The following NBEA variants were observed in gnomAD, a reference collection of about 807,000 sequenced individuals.
NBEA encodes the protein neurobeachin.
A neutral mutation model predicts 343.4 loss-of-function variants in NBEA; 44 were observed. The observed-to-expected ratio is 0.13, with a 90% CI of 0.10 to 0.16. The LOEUF is 0.16. NBEA is among the 10% of genes least tolerant of loss of function. The pLI is 1.00. For missense variants in NBEA, 2,555 were observed against 3,631.3 expected, an observed-to-expected ratio of 0.70 and a Z score of 7.62; for synonymous variants, 1,175 against 1,238.7, an observed-to-expected ratio of 0.95 and a Z score of 1.08.
Position 35,559,981 on chromosome 13 carries a change from G to GA in NBEA, c.6922+4885dup, listed in dbSNP as rs1237859988. Among the ~76,000 whole-genome samples, 5 of 149,170 alleles carry GA rather than the reference G, an allele frequency of 3.4e-5. No homozygotes were observed. In the East Asian group the frequency reaches 5.9e-4, roughly 17 times the overall value. Reference sequence around the variant, plus strand: ...TTTCTTTGTTAATAATAAGAACTCAGAAAAAATAGTAAATAATAGTTTATG... The same window carrying GA: ...TTTCTTTGTTAATAATAAGAACTCAGAAAAAAATAGTAAATAATAGTTTATG... On this transcript the variant is annotated intron_variant, in intron 44 of 58. Coordinates refer to ENST00000379939, the MANE Select transcript of NBEA (RefSeq NM_001385012.1).
chr13:35,271,917 G>A lies in NBEA; in HGVS notation c.5777-18472G>A, dbSNP rs1347111496. On this transcript the variant is annotated intron_variant, in intron 34 of 58. Transcript: ENST00000379939. ...AAAGTGACAGAAAGAATGGAACCAAGTTAGAAAACATTCTTCAGGATATTA... is the reference window on the plus strand; with the variant it reads ...AAAGTGACAGAAAGAATGGAACCAAATTAGAAAACATTCTTCAGGATATTA... 3.9e-5 allele frequency among the ~76,000 whole-genome samples: 6 copies of A among 152,208 alleles called. No individual in the cohort carries two copies. In the East Asian group the frequency reaches 1.2e-3, roughly 29 times the overall value.
chr13:35,475,356 G>A, intron 41 of NBEA: 3 of 1,613,954 alleles, frequency 1.9e-6, no homozygotes, highest in Non-Finnish European at 2.5e-6. Flanking sequence ...GCAGTTCAAG[G>A]TGACGATCCC....
intron 24 of NBEA, chr13:35,165,148 C>T: frequency 1.9e-6 from 1 of 532,458 alleles, no homozygotes; most frequent in Non-Finnish European, 3.9e-6. Flanking sequence ...ATACCTTTGC[C>T]AGAGGGAAAT....
At chr13:35,104,348 C>T (rs1359901844) in intron 11 of NBEA, among the ~76,000 whole-genome samples, 1 of 151,846 alleles carries the variant, frequency 6.6e-6, no homozygotes, top group Non-Finnish European at 1.5e-5. Flanking sequence ...ATATTTTTTA[C>T]TAATTTTCTG....
intron 34 of NBEA, among the ~76,000 whole-genome samples, chr13:35,275,739 C>T (rs952541620): frequency 2.0e-5 from 3 of 152,032 alleles, no homozygotes; most frequent in Admixed American, 6.6e-5. Context: ...ATGCAGCCAA[C>T]GGACACATGA....
chr13:35,653,323 G>A (rs2764021), intron 53 of NBEA, among the ~76,000 whole-genome samples: 79,483 of 141,800 alleles, frequency 0.56, 22,462 homozygotes, highest in Middle Eastern at 0.72. Context: ...TTTTATTCTT[G>A]GGTTCTTTTT....
At position 35,182,464 on chromosome 13, in the gene NBEA, T is replaced by C. The variant is rs2071382438; in HGVS notation, c.4767T>C (p.Thr1589=). 2 of 1,610,538 alleles carry C rather than the reference T, an allele frequency of 1.2e-6. No individual in the cohort carries two copies. Among genetic ancestry groups the C allele is most frequent in the Non-Finnish European group, 1.7e-6 (2 of 1,177,800 alleles). ...YRDILEPQRE[T]TRTGSQPGRN... is the part of the protein sequence containing the mutation. Reference sequence around the variant, plus strand: ...ACATATTAGAACCCCAGAGAGAGACTACAAGAACTGGAAGCCAACCAGGTA... The same window carrying C: ...ACATATTAGAACCCCAGAGAGAGACCACAAGAACTGGAAGCCAACCAGGTA... Residue 1589 remains threonine (T), a synonymous_variant, in exon 29 of 59, where the codon ACT becomes ACC. Transcript: ENST00000379939.
intron 34 of NBEA, among the ~76,000 whole-genome samples, chr13:35,250,629 T>A (rs1475813481): frequency 6.6e-6 from 1 of 152,186 alleles, no homozygotes; most frequent in Non-Finnish European, 1.5e-5. Context: ...AATTTGTAAA[T>A]GTACATTGAC....
chr13:35,652,303 C>A (rs1171596246), intron 53 of NBEA, among the ~76,000 whole-genome samples: 1 of 148,990 alleles, frequency 6.7e-6, no homozygotes, highest in Non-Finnish European at 1.5e-5. Context: ...ATGTAACAAA[C>A]CTGCACATTG....
intron 35 of NBEA, among the ~76,000 whole-genome samples, chr13:35,298,246 T>C (rs2036288744): frequency 1.5e-5 from 2 of 136,544 alleles, no homozygotes; most frequent in Admixed American, 7.7e-5. Flanking sequence ...TATATATATA[T>C]ATGTATATGC....
At chr13:35,357,638 G>A (rs1385671083) in intron 38 of NBEA, among the ~76,000 whole-genome samples, 1 of 151,966 alleles carries the variant, frequency 6.6e-6, no homozygotes, top group Non-Finnish European at 1.5e-5. Flanking sequence ...ATCATTTTTT[G>A]TTATGGCTGC....
At chr13:35,466,083 T>C (rs2075375782) in intron 40 of NBEA, among the ~76,000 whole-genome samples, 1 of 152,190 alleles carries the variant, frequency 6.6e-6, no homozygotes, top group Non-Finnish European at 1.5e-5. Flanking sequence ...CTTCCATGTC[T>C]GTTTTAGACT....
At chr13:35,511,307 A>G (rs978684344) in intron 41 of NBEA, among the ~76,000 whole-genome samples, 1 of 152,184 alleles carries the variant, frequency 6.6e-6, no homozygotes, top group Admixed American at 6.5e-5. Context: ...TGGACTTTAA[A>G]GAATTTTTAA....
intron 38 of NBEA, among the ~76,000 whole-genome samples, chr13:35,407,135 T>G (rs1221769536): frequency 3.5e-4 from 11 of 31,174 alleles, no homozygotes; most frequent in Non-Finnish European, 1.3e-3. Context: ...AATTTTTGTG[T>G]TTTTTTTTCA....
At chr13:35,223,599 A>G (rs149436558) in intron 33 of NBEA, among the ~76,000 whole-genome samples, 2 of 152,192 alleles carry the variant, frequency 1.3e-5, no homozygotes, top group East Asian at 1.9e-4. Flanking sequence ...ATTATGTTAC[A>G]TATTTTTTTA....
chr13:35,533,931 T>G (rs922491212), intron 41 of NBEA, among the ~76,000 whole-genome samples: 3 of 152,142 alleles, frequency 2.0e-5, no homozygotes, highest in African/African-American at 7.2e-5. Context: ...AAAATAATAT[T>G]AGGTTTATTT....
chr13:35,185,290 C>T (rs1446877344), intron 30 of NBEA: 2 of 152,068 alleles, frequency 1.3e-5, no homozygotes, highest in Admixed American at 6.6e-5. Flanking sequence ...TGAAGAGGAC[C>T]CTGTGCTCCA....
chr13:35,125,537 A>G (rs977495353), intron 17 of NBEA, among the ~76,000 whole-genome samples: 14 of 152,196 alleles, frequency 9.2e-5, no homozygotes, highest in African/African-American at 3.4e-4. Context: ...CAAGCAGTCT[A>G]TCTCTGTGGC....
At chr13:34,946,981 G>A (rs999835651) in intron 1 of NBEA, among the ~76,000 whole-genome samples, 1 of 150,532 alleles carries the variant, frequency 6.6e-6, no homozygotes, top group African/African-American at 2.4e-5. Flanking sequence ...TTCTGCATTT[G>A]AATTATATTT....
Sources: gnomAD v4.1 joint callset for allele counts (sites outside exome capture counted in the v4.1 genomes callset) on GRCh38, gnomAD v4.1.1 for gene constraint, MANE v1.5 for transcripts, NCBI Gene and HGNC (gene_info 2026-07-23, HGNC 2026-07-21) for gene names.